Variants in SYNJ2BP observed in about 807,000 individuals in gnomAD.
SYNJ2BP encodes synaptojanin 2 binding protein.
A neutral mutation model predicts 16.9 loss-of-function variants in SYNJ2BP; 10 were observed. That is an observed-to-expected ratio of 0.59 (90% CI 0.36 to 1.00). The LOEUF (loss-of-function observed/expected upper bound fraction) is 1.00, where lower values mean the gene tolerates loss of function less well. Ranked by LOEUF, SYNJ2BP falls within the 50% of genes least tolerant of loss-of-function variation. The pLI is 0.01. For missense variants in SYNJ2BP, 162 were observed against 186.7 expected (o/e 0.87, Z 0.77); for synonymous variants, 54 against 68.4 (o/e 0.79, Z 1.04).
chr14:70,415,401 A>G (rs1009276810), intron 1 of SYNJ2BP, among the ~76,000 whole-genome samples: 3 of 151,816 alleles, frequency 2.0e-5, no homozygotes, highest in African/African-American at 7.3e-5. Context: ...ATACAAAAAA[A>G]TTAGCCGGGC....
At chr14:70,375,012 G>A (rs1267753018) in intron 3 of SYNJ2BP, among the ~76,000 whole-genome samples, 1 of 151,308 alleles carries the variant, frequency 6.6e-6, no homozygotes, top group Admixed American at 6.6e-5. Flanking sequence ...TGAACTCCCG[G>A]GCTCAAGCAA....
chr14:70,416,927 C>G lies in SYNJ2BP; in HGVS notation c.37G>C (p.Glu13Gln), dbSNP rs1888624888. Residue 13 changes from glutamate to glutamine, a missense_variant, in exon 1 of 4, where the codon GAG (glutamate) becomes CAG (glutamine). Glu to Gln is a conservative substitution (Grantham distance 29). Coordinates refer to ENST00000256366, the MANE Select transcript of SYNJ2BP (RefSeq NM_018373.3). ...GAGGGCCCTCTGGTAAGATTGATCT[C>G]TTCCTCAGTGACCAAATAATCCACT... ...GRVDYLVTEE[E>Q]INLTRGPSGL... is the part of the protein sequence containing the mutation. 1 of 1,614,172 alleles carries G rather than the reference C, an allele frequency of 6.2e-7. No homozygotes were observed. The highest frequency in any genetic ancestry group is 1.3e-5 in the African/African-American group (1 of 75,044).
Position 70,415,318 on chromosome 14 carries a change from G to A in SYNJ2BP, c.64+1582C>T, listed in dbSNP as rs371972314. Among the ~76,000 whole-genome samples the A allele has an allele frequency of 2.8e-4, 42 of 152,176 alleles. 1 individual carries two copies. Among genetic ancestry groups the A allele is most frequent in the African/African-American group, 9.6e-4 (40 of 41,520 alleles). On this transcript the variant is annotated intron_variant, in intron 1 of 3. Coordinates refer to ENST00000256366, the MANE Select transcript of SYNJ2BP (RefSeq NM_018373.3). ...CCAGCACTTTGGGAGGCAGAGGTGG[G>A]TGGATCATTTAAACTCAGGAGTTTA... is the stretch of plus-strand genomic sequence containing the variant.
At position 70,368,665 on chromosome 14, in the gene SYNJ2BP, G is replaced by A. The variant is rs919364880; in HGVS notation, c.*4326C>T. 1.3e-5 allele frequency: 2 copies of A among 150,926 alleles called. No homozygotes were observed. Among genetic ancestry groups the A allele is most frequent in the Non-Finnish European group, 3.0e-5 (2 of 67,712 alleles). The allele number at this position is 150,926 out of a possible 1,614,324, so 9.3% of individuals were successfully genotyped here. On this transcript the variant is annotated 3_prime_UTR_variant, in exon 4 of 4. Coordinates refer to ENST00000256366, the MANE Select transcript of SYNJ2BP (RefSeq NM_018373.3). ...CCACTTACTTCGTGCAGAAGCTCAG[G>A]AAGCTGGGCTCTAAAGGCCCAAGTT... is the stretch of plus-strand genomic sequence containing the variant.
intron 1 of SYNJ2BP, among the ~76,000 whole-genome samples, chr14:70,399,905 G>A (rs1466068789): frequency 6.6e-6 from 1 of 152,124 alleles, no homozygotes; most frequent in Non-Finnish European, 1.5e-5. Context: ...CCATTTCCAT[G>A]ACCATTTGGA....
chr14:70,401,929 C>T (rs955686106), intron 1 of SYNJ2BP, among the ~76,000 whole-genome samples: 2 of 152,164 alleles, frequency 1.3e-5, no homozygotes, highest in East Asian at 3.9e-4. Flanking sequence ...GGCTTACAAG[C>T]ATGAGCCACT....
intron 2 of SYNJ2BP, among the ~76,000 whole-genome samples, chr14:70,382,733 C>G (rs1887779469): frequency 6.6e-6 from 1 of 152,204 alleles, no homozygotes; most frequent in Non-Finnish European, 1.5e-5. Context: ...TTCGCTGACT[C>G]TGAAGTTTCA....
intron 1 of SYNJ2BP, among the ~76,000 whole-genome samples, chr14:70,415,173 TAA>T (rs35018690): frequency 7.3e-6 from 1 of 137,008 alleles, no homozygotes. Context: ...ACCTCGTCTC[TAA>T]AAAAAAAAAA....
chr14:70,398,324 G>C (rs749003285), intron 1 of SYNJ2BP, among the ~76,000 whole-genome samples: 1 of 152,152 alleles, frequency 6.6e-6, no homozygotes, highest in African/African-American at 2.4e-5. Context: ...GCCTCACCAG[G>C]GACCAACCCC....
chr14:70,375,785 A>G lies in SYNJ2BP; in HGVS notation c.202-14T>C, dbSNP rs773087785. ...TTGGCCATTTACCTGTCAAAACACC[A>G]AAGAGTAGTAAGAAAGGAAGAAGGC... On this transcript the variant is annotated splice_polypyrimidine_tract_variant and intron_variant, in intron 2 of 3. Transcript: ENST00000256366. 1.9e-6 allele frequency: 3 copies of G among 1,611,672 alleles called. No individual in the cohort carries two copies. Among genetic ancestry groups the G allele is most frequent in the Non-Finnish European group, 2.5e-6 (3 of 1,179,354 alleles).
At position 70,372,761 on chromosome 14, in the gene SYNJ2BP, AC is replaced by A; in HGVS notation, c.*229del. The A allele has an allele frequency of 1.9e-6, 1 of 520,598 alleles. No homozygotes were observed. 32.2% of individuals were successfully genotyped at this position (520,598 alleles called of 1,614,324 possible). A position where few individuals can be genotyped will look rare whatever the true frequency, so the allele number is the denominator to read the frequency against. ...ATCAAAAGTCCTAGTAAAATATATA[AC>A]TCCTCATTTGTTCTAAGCCAAGTCT... On this transcript the variant is annotated 3_prime_UTR_variant, in exon 4 of 4. Coordinates refer to ENST00000256366, the MANE Select transcript of SYNJ2BP (RefSeq NM_018373.3).
At position 70,372,746 on chromosome 14, in the gene SYNJ2BP, C is replaced by G. The variant is rs1887542973; in HGVS notation, c.*245G>C. 2.4e-6 allele frequency: 1 copy of G among 419,526 alleles called. No homozygotes were observed. Among genetic ancestry groups the G allele is most frequent in the Admixed American group, 4.2e-5 (1 of 23,894 alleles). 26.0% of individuals were successfully genotyped at this position (419,526 alleles called of 1,614,324 possible). On this transcript the variant is annotated 3_prime_UTR_variant, in exon 4 of 4. Transcript: ENST00000256366. ...TGTAGCTGAATTTCTATCAAAAGTC[C>G]TAGTAAAATATATAACTCCTCATTT... is the stretch of plus-strand genomic sequence containing the variant.
At chr14:70,412,582 A>ATATATGTATGTATAGTATATATACAG (rs1888507000) in intron 1 of SYNJ2BP, among the ~76,000 whole-genome samples, 8 of 138,568 alleles carry the variant, frequency 5.8e-5, no homozygotes, top group Admixed American at 1.4e-4. Flanking sequence ...TATATACAGT[A>ATATATGTATGTATAGTATATATACAG]TATATATGTA....
chr14:70,373,434 T>A (rs539572571), intron 3 of SYNJ2BP, among the ~76,000 whole-genome samples: 1 of 152,176 alleles, frequency 6.6e-6, no homozygotes, highest in South Asian at 2.1e-4. Context: ...GTGTATCGTA[T>A]CAGGAAAATG....
At chr14:70,402,527 A>G (rs1888261751) in intron 1 of SYNJ2BP, among the ~76,000 whole-genome samples, 1 of 151,992 alleles carries the variant, frequency 6.6e-6, no homozygotes, top group Non-Finnish European at 1.5e-5. Flanking sequence ...TGGTTTTTAG[A>G]CACTTAATAT....
intron 1 of SYNJ2BP, among the ~76,000 whole-genome samples, chr14:70,403,811 T>G (rs1016482515): frequency 6.6e-6 from 1 of 152,236 alleles, no homozygotes; most frequent in Admixed American, 6.5e-5. Context: ...CCTCAAATTC[T>G]TTCTTGCGTG....
chr14:70,403,529 C>T (rs1224055218), intron 1 of SYNJ2BP, among the ~76,000 whole-genome samples: 1 of 152,158 alleles, frequency 6.6e-6, no homozygotes, highest in Non-Finnish European at 1.5e-5. Flanking sequence ...CCAAAAGCCA[C>T]CAAGATGGTG....
intron 1 of SYNJ2BP, among the ~76,000 whole-genome samples, chr14:70,400,987 A>T (rs1888222849): frequency 6.6e-6 from 1 of 152,212 alleles, no homozygotes; most frequent in Non-Finnish European, 1.5e-5. Context: ...ATTATGAAAA[A>T]TTAAGCTTCA....
chr14:70,413,847 AC>A (rs1888543464), intron 1 of SYNJ2BP, among the ~76,000 whole-genome samples: 1 of 152,218 alleles, frequency 6.6e-6, no homozygotes, highest in African/African-American at 2.4e-5. Context: ...CTGACAGAAC[AC>A]AAAGGGGGAA....
Sources: gnomAD v4.1 joint callset for allele counts (sites outside exome capture counted in the v4.1 genomes callset) on GRCh38, gnomAD v4.1.1 for gene constraint, MANE v1.5 for transcripts, NCBI Gene and HGNC (gene_info 2026-07-23, HGNC 2026-07-21) for gene names.